The following FOXN2 variants were observed in gnomAD, a reference collection of about 807,000 sequenced individuals.
FOXN2 encodes forkhead box protein N2.
A neutral mutation model predicts 41.2 loss-of-function variants in FOXN2; 19 were observed. The observed-to-expected ratio is 0.46, with a 90% CI of 0.32 to 0.68. The LOEUF is 0.68. Ranked by LOEUF, FOXN2 falls within the 30% of genes least tolerant of loss-of-function variation. The pLI, the probability that FOXN2 is intolerant of heterozygous loss-of-function variation, is 0.03. For synonymous variants in FOXN2, 195 were observed against 176.8 expected (o/e 1.10, Z -0.82); for missense variants, 587 against 509.4 (o/e 1.15, Z -1.47).
Position 48,360,528 on chromosome 2 carries a change from T to C in FOXN2, c.638+1381T>C, listed in dbSNP as rs149313347. On this transcript the variant is annotated intron_variant, in intron 4 of 6. Coordinates refer to ENST00000340553, the MANE Select transcript of FOXN2 (RefSeq NM_002158.4). ...AGCTGGGAAGGCTAAAGTTGAAATATCAGTAATATATTCACTCACTGAGAT... is the reference window on the plus strand; with the variant it reads ...AGCTGGGAAGGCTAAAGTTGAAATACCAGTAATATATTCACTCACTGAGAT... 2.7e-3 allele frequency among the ~76,000 whole-genome samples: 407 copies of C among 152,272 alleles called. 1 individual carries two copies. The highest frequency in any genetic ancestry group is 9.4e-3 in the African/African-American group (390 of 41,552).
chr2:48,343,561 C>G (rs1448297998), intron 2 of FOXN2, among the ~76,000 whole-genome samples: 1 of 151,974 alleles, frequency 6.6e-6, no homozygotes, highest in Non-Finnish European at 1.5e-5. Context: ...TTGTTTGAGA[C>G]CAGCCTGGGC....
At chr2:48,350,207 C>A (rs1311160795) in intron 3 of FOXN2, among the ~76,000 whole-genome samples, 1 of 152,214 alleles carries the variant, frequency 6.6e-6, no homozygotes, top group African/African-American at 2.4e-5. Context: ...CATAAACAGT[C>A]CTTTTAGACA....
In FOXN2 at chr2:48,375,432, C is replaced by A. The variant is rs143561178; in HGVS notation, c.1285C>A (p.Arg429=). ...TGCAAAGACACAAAATCAAAAGCAA[C>A]GGAAAAAATAGAAATACTTAAAGTG... The part of the protein sequence containing the change: ...STAKTQNQKQ[R]KK Residue 429 remains arginine (R), a synonymous_variant, in exon 7 of 7, where the codon CGG becomes AGG. Transcript: ENST00000340553. The A allele has an allele frequency of 3.7e-6, 6 of 1,600,968 alleles. No individual in the cohort carries two copies. In the Admixed American group the frequency reaches 5.2e-5, roughly 14 times the overall value.
At chr2:48,367,269 T>C (rs1672595074) in intron 5 of FOXN2, among the ~76,000 whole-genome samples, 2 of 152,176 alleles carry the variant, frequency 1.3e-5, no homozygotes, top group Admixed American at 6.6e-5. Flanking sequence ...AAAATATTAC[T>C]GAGCTGTTCT....
Position 48,375,079 on chromosome 2 carries a change from C to T in FOXN2, c.932C>T (p.Ala311Val), listed in dbSNP as rs775706830. The change falls in exon 7 of 7, where the codon GCA (alanine) becomes GTA (valine). Residue 311 changes from alanine to valine, a missense_variant. Coordinates refer to ENST00000340553, the MANE Select transcript of FOXN2 (RefSeq NM_002158.4). ...AATTACAGTGCAAGTAGCATGGCAG[C>T]ACAGCGTTGTGCATCCAGGTCTAGC... is the stretch of plus-strand genomic sequence containing the variant. ...DHNYSASSMAAQRCASRSSVS... is the reference protein window; with the variant it reads ...DHNYSASSMAVQRCASRSSVS... 3 of 1,614,074 alleles carry T rather than the reference C, an allele frequency of 1.9e-6. No individual in the cohort carries two copies. The highest frequency in any genetic ancestry group is 1.7e-5 in the Admixed American group (1 of 60,000).
At chr2:48,338,620 C>CA (rs1434681982) in intron 2 of FOXN2, among the ~76,000 whole-genome samples, 1 of 152,062 alleles carries the variant, frequency 6.6e-6, no homozygotes, top group Admixed American at 6.5e-5. Context: ...AGGATGGTCT[C>CA]AATCTCCTGA....
In FOXN2 at chr2:48,346,495, C is replaced by T. The variant is rs533000297; in HGVS notation, c.281C>T (p.Pro94Leu). The T allele has an allele frequency of 1.2e-6, 2 of 1,614,092 alleles. No homozygotes were observed. Among genetic ancestry groups the T allele is most frequent in the Admixed American group, 1.7e-5 (1 of 60,002 alleles). Residue 94 changes from proline (P) to leucine (L), a missense_variant, in exon 3 of 7, where the codon CCA (proline) becomes CTA (leucine). Pro to Leu is a moderately conservative substitution (Grantham distance 98). Transcript: ENST00000340553. ...PLYDIEGDDV[P>L]SFGPACYQNP... is the part of the protein sequence containing the mutation. Reference sequence around the variant, plus strand: ...TATGACATAGAGGGAGATGATGTGCCATCCTTTGGACCAGCTTGCTACCAG... The same window carrying T: ...TATGACATAGAGGGAGATGATGTGCTATCCTTTGGACCAGCTTGCTACCAG...
chr2:48,316,676 TGAA>T (rs1420115907), intron 1 of FOXN2, among the ~76,000 whole-genome samples: 1 of 152,202 alleles, frequency 6.6e-6, no homozygotes, highest in African/African-American at 2.4e-5. Flanking sequence ...GTCAAAGAGT[TGAA>T]GATAAAAAAT....
At chr2:48,317,407 C>G (rs1172188137) in intron 1 of FOXN2, among the ~76,000 whole-genome samples, 2 of 151,138 alleles carry the variant, frequency 1.3e-5, no homozygotes, top group African/African-American at 4.9e-5. Flanking sequence ...TGAGATCATG[C>G]CACTGCACTC....
At position 48,336,606 on chromosome 2, in the gene FOXN2, A is replaced by G. The variant is rs188377585; in HGVS notation, c.-15+7904A>G. The stretch of plus-strand genomic sequence containing the variant: ...ATTAAAAAAAATGGAATGAGAAAAA[A>G]GAATCATTCCAAAGAAGGCAAAAAA... On this transcript the variant is annotated intron_variant, in intron 2 of 6. Transcript: ENST00000340553. Among the ~76,000 whole-genome samples, 1,057 of 152,182 alleles carry G rather than the reference A, an allele frequency of 6.9e-3. 19 individuals carry two copies. Among genetic ancestry groups the G allele is most frequent in the African/African-American group, 0.024 (1,001 of 41,532 alleles).
At chr2:48,364,804 T>C (rs1672426595) in intron 5 of FOXN2, among the ~76,000 whole-genome samples, 2 of 152,242 alleles carry the variant, frequency 1.3e-5, no homozygotes, top group Admixed American at 6.5e-5. Flanking sequence ...TGAAAATTCA[T>C]TGCAACAGAG....
intron 1 of FOXN2, among the ~76,000 whole-genome samples, chr2:48,324,458 T>A (rs1669535716): frequency 6.6e-6 from 1 of 152,222 alleles, no homozygotes. Context: ...CCTCCCAAAG[T>A]GCTTGGACCA....
At chr2:48,335,268 A>C (rs890546533) in intron 2 of FOXN2, among the ~76,000 whole-genome samples, 4 of 152,234 alleles carry the variant, frequency 2.6e-5, no homozygotes, top group Non-Finnish European at 5.9e-5. Flanking sequence ...AAGGAACCAG[A>C]AGTTTTAGAA....
chr2:48,343,158 A>G (rs1486997667), intron 2 of FOXN2, among the ~76,000 whole-genome samples: 1 of 152,212 alleles, frequency 6.6e-6, no homozygotes, highest in Non-Finnish European at 1.5e-5. Context: ...TATTGAACTT[A>G]GCCTCGTTTA....
At chr2:48,353,908 C>A (rs150079842) in intron 3 of FOXN2, among the ~76,000 whole-genome samples, 1 of 151,670 alleles carries the variant, frequency 6.6e-6, no homozygotes, top group Non-Finnish European at 1.5e-5. Context: ...TTAAATTTAC[C>A]CTTATAGTTA....
At chr2:48,335,278 A>T (rs188369661) in intron 2 of FOXN2, among the ~76,000 whole-genome samples, 1 of 152,372 alleles carries the variant, frequency 6.6e-6, no homozygotes, top group African/African-American at 2.4e-5. Flanking sequence ...AAGTTTTAGA[A>T]ATGAAAATAG....
chr2:48,375,132 G>A lies in FOXN2; in HGVS notation c.985G>A (p.Val329Ile). 1 of 1,614,092 alleles carries A rather than the reference G, an allele frequency of 6.2e-7. No individual in the cohort carries two copies. The highest frequency in any genetic ancestry group is 1.7e-5 in the Admixed American group (1 of 60,004). The part of the protein sequence containing the change: ...SVSSLSSVDE[V>I]YEFIPKNSHV... ...GTCTTCCCTGTCTTCTGTGGATGAGGTATATGAATTTATCCCAAAGAATAG... is the reference window on the plus strand; with the variant it reads ...GTCTTCCCTGTCTTCTGTGGATGAGATATATGAATTTATCCCAAAGAATAG... The change falls in exon 7 of 7, where the codon GTA (valine) becomes ATA (isoleucine). Residue 329 changes from valine (V) to isoleucine (I), a missense_variant. Physicochemically the swap from Val to Ile is conservative, Grantham distance 29 (BLOSUM62 3). Transcript: ENST00000340553.
At chr2:48,361,481 A>G (rs993796356) in intron 4 of FOXN2, among the ~76,000 whole-genome samples, 1 of 152,046 alleles carries the variant, frequency 6.6e-6, no homozygotes, top group African/African-American at 2.4e-5. Context: ...AAAAAAAAAA[A>G]AGATTAAACT....
At position 48,375,481 on chromosome 2, in the gene FOXN2, C is replaced by A. The variant is rs1410329375; in HGVS notation, c.*38C>A. On this transcript the variant is annotated 3_prime_UTR_variant, in exon 7 of 7. Coordinates refer to ENST00000340553, the MANE Select transcript of FOXN2 (RefSeq NM_002158.4). ...TGTGGCAATACTCTTTCACTTAATT[C>A]TTTACAAGGGATATCAAAGCCATAA... The A allele has an allele frequency of 2.6e-6, 4 of 1,533,886 alleles. No homozygotes were observed. Among genetic ancestry groups the A allele is most frequent in the Admixed American group, 1.9e-5 (1 of 52,816 alleles).
Sources: gnomAD v4.1 joint callset for allele counts (sites outside exome capture counted in the v4.1 genomes callset) on GRCh38, gnomAD v4.1.1 for gene constraint, MANE v1.5 for transcripts, NCBI Gene and HGNC (gene_info 2026-07-23, HGNC 2026-07-21) for gene names.